The following SNX3 variants were observed in gnomAD, a reference collection of about 807,000 sequenced individuals.
The protein encoded by SNX3 is sorting nexin 3.
SNX3 carries 5 observed loss-of-function variants against 17.7 expected under a neutral mutation model. The ratio of observed to expected loss-of-function variants is 0.28; its 90% CI spans 0.15 to 0.59. The LOEUF (loss-of-function observed/expected upper bound fraction) is 0.59, where lower values mean the gene tolerates loss of function less well. Among genes scored for constraint, SNX3 ranks in the 20% least tolerant of loss-of-function variants. The probability of loss-of-function intolerance (pLI) is 0.88; values close to 1 mark genes in which losing one functional copy is unlikely to be tolerated. For synonymous variants in SNX3, 91 were observed against 76.5 expected (o/e 1.19, Z -0.99); for missense variants, 132 against 206.8 (o/e 0.64, Z 2.22).
chr6:108,253,964 A>T lies in SNX3; in HGVS notation c.162+6796T>A, dbSNP rs977420925. 3.3e-5 allele frequency among the ~76,000 whole-genome samples: 5 copies of T among 152,030 alleles called. No individual in the cohort carries two copies. In the South Asian group the frequency reaches 1.0e-3, roughly 32 times the overall value. On this transcript the variant is annotated intron_variant, in intron 1 of 3. Transcript: ENST00000230085. ...CAAGGTGAAACACCATCTCTACTGA[A>T]AACACAAAAAAAATTAGCCAGGCGT... is the stretch of plus-strand genomic sequence containing the variant.
rs1043174278 is a variant in SNX3 at position 108,211,514 on chromosome 6, G to A, written c.*635C>T. 1 of 152,588 alleles carries A rather than the reference G, an allele frequency of 6.6e-6. No homozygotes were observed. Among genetic ancestry groups the A allele is most frequent in the African/African-American group, 2.4e-5 (1 of 41,436 alleles). 9.5% of individuals were successfully genotyped at this position (152,588 alleles called of 1,614,324 possible). On this transcript the variant is annotated 3_prime_UTR_variant, in exon 4 of 4. Coordinates refer to ENST00000230085, the MANE Select transcript of SNX3 (RefSeq NM_003795.6). ...AAAAGCTGGAGGCAACACAATCAGTGCATATCAGAAATGCATTTTAATTTT... is the reference window on the plus strand; with the variant it reads ...AAAAGCTGGAGGCAACACAATCAGTACATATCAGAAATGCATTTTAATTTT...
chr6:108,221,532 CTTTTTTTT>C (rs554429322), intron 2 of SNX3, among the ~76,000 whole-genome samples: 59 of 57,776 alleles, frequency 1.0e-3, no homozygotes, highest in African/African-American at 2.0e-3. Context: ...CAGTATTACA[CTTTTTTTT>C]TTTTTTTTTT....
chr6:108,254,431 C>G (rs1479151419), intron 1 of SNX3, among the ~76,000 whole-genome samples: 1 of 152,174 alleles, frequency 6.6e-6, no homozygotes, highest in Admixed American at 6.5e-5. Context: ...CACCACCGTG[C>G]ACTCTAGCTT....
intron 1 of SNX3, among the ~76,000 whole-genome samples, chr6:108,238,614 A>T (rs1003251533): frequency 1.3e-5 from 2 of 152,168 alleles, no homozygotes; most frequent in Non-Finnish European, 2.9e-5. Context: ...GCCATAAAAA[A>T]GAAAATTTTT....
intron 2 of SNX3, among the ~76,000 whole-genome samples, chr6:108,218,429 A>G (rs1774653208): frequency 1.3e-5 from 2 of 152,212 alleles, no homozygotes; most frequent in Non-Finnish European, 2.9e-5. Context: ...TGCTGGTAAG[A>G]ATGTAAAATT....
At chr6:108,220,804 C>T (rs1005279649) in intron 2 of SNX3, among the ~76,000 whole-genome samples, 4 of 151,866 alleles carry the variant, frequency 2.6e-5, no homozygotes, top group Non-Finnish European at 4.4e-5. Context: ...ATGATGAAAC[C>T]CCATCTCTAC....
Position 108,214,619 on chromosome 6 carries a change from C to G in SNX3, c.262G>C (p.Val88Leu). 6.2e-7 allele frequency: 1 copy of G among 1,610,760 alleles called. No individual in the cohort carries two copies. Among genetic ancestry groups the G allele is most frequent in the Non-Finnish European group, 8.5e-7 (1 of 1,179,236 alleles). Reference protein sequence around the residue: ...RSELERESKVVVPPLPGKAFL... With the variant: ...RSELERESKVLVPPLPGKAFL... ...GCTTTCCCAGGGAGCGGGGGAACTA[C>G]GACCTAAAATGTGAAGACAGAAACT... The change falls in exon 3 of 4, where the codon GTA becomes CTA. Residue 88 changes from valine to leucine, a missense_variant. Physicochemically the swap from Val to Leu is conservative, Grantham distance 32. Transcript: ENST00000230085.
At chr6:108,222,285 A>G in intron 2 of SNX3, 9 of 1,304,242 alleles carry the variant, frequency 6.9e-6, no homozygotes, top group Non-Finnish European at 9.1e-6. Flanking sequence ...ACGTCCTTCC[A>G]TGACTCCTTG....
chr6:108,253,297 A>G lies in SNX3; in HGVS notation c.162+7463T>C, dbSNP rs554200789. Among the ~76,000 whole-genome samples, 3 of 152,068 alleles carry G rather than the reference A, an allele frequency of 2.0e-5. No individual in the cohort carries two copies. In the East Asian group the frequency reaches 5.8e-4, roughly 29 times the overall value. On this transcript the variant is annotated intron_variant, in intron 1 of 3. Coordinates refer to ENST00000230085, the MANE Select transcript of SNX3 (RefSeq NM_003795.6). ...GTAATCCCAACTACTTGGCTGAGGT[A>G]GGAGGCTCACTTGAGCCCAGGAGTT...
intron 1 of SNX3, among the ~76,000 whole-genome samples, chr6:108,231,367 G>A (rs776527727): frequency 4.6e-5 from 7 of 152,200 alleles, no homozygotes; most frequent in Non-Finnish European, 1.0e-4. Flanking sequence ...TTACTGGCAT[G>A]AGCCACTGCA....
intron 1 of SNX3, among the ~76,000 whole-genome samples, chr6:108,238,380 T>C (rs1345317721): frequency 1.3e-5 from 2 of 152,162 alleles, no homozygotes; most frequent in Admixed American, 1.3e-4. Flanking sequence ...TAAAAACATG[T>C]ATATACAATG....
At chr6:108,222,800 C>A in intron 2 of SNX3, 150 bp downstream of exon 2, 1 of 655,298 alleles carries the variant, frequency 1.5e-6, no homozygotes, top group South Asian at 1.7e-5. Flanking sequence ...TTTACACAGA[C>A]TCTACCTCTA....
At chr6:108,247,132 G>A (rs1775715819) in intron 1 of SNX3, among the ~76,000 whole-genome samples, 1 of 152,064 alleles carries the variant, frequency 6.6e-6, no homozygotes, top group Non-Finnish European at 1.5e-5. Context: ...GGCTCTTTCT[G>A]CTCACTTTCT....
intron 3 of SNX3, among the ~76,000 whole-genome samples, chr6:108,212,925 TCACC>T (rs1251679249): frequency 6.9e-6 from 1 of 145,860 alleles, no homozygotes; most frequent in Non-Finnish European, 1.5e-5. Flanking sequence ...TGTTGCTCTA[TCACC>T]CAGGCTAGAG....
chr6:108,215,198 A>G (rs1254519388), intron 2 of SNX3, among the ~76,000 whole-genome samples: 1 of 150,526 alleles, frequency 6.6e-6, no homozygotes, highest in Non-Finnish European at 1.5e-5. Context: ...AAAATACAAA[A>G]AATGAGCCGG....
chr6:108,223,072 T>C, intron 1 of SNX3, 27 bp from the exon 2 acceptor site: 1 of 1,286,148 alleles, frequency 7.8e-7, no homozygotes, highest in Non-Finnish European at 1.1e-6. Context: ...TAGTCCTAAA[T>C]TGAAGCACAT....
intron 1 of SNX3, among the ~76,000 whole-genome samples, chr6:108,237,495 C>A (rs537405899): frequency 6.6e-6 from 1 of 152,088 alleles, no homozygotes; most frequent in Non-Finnish European, 1.5e-5. Flanking sequence ...CATTAAGAAT[C>A]TACCATGAGG....
chr6:108,237,008 T>C (rs1775365826), intron 1 of SNX3, among the ~76,000 whole-genome samples: 1 of 152,198 alleles, frequency 6.6e-6, no homozygotes, highest in Admixed American at 6.5e-5. Context: ...CTCAAATCAC[T>C]TAACATAAAA....
At chr6:108,247,422 C>T (rs1347809296) in intron 1 of SNX3, among the ~76,000 whole-genome samples, 3 of 151,962 alleles carry the variant, frequency 2.0e-5, no homozygotes, top group Non-Finnish European at 2.9e-5. Context: ...GGCTGGAGTG[C>T]AGTGGCACGA....
Sources: gnomAD v4.1 joint callset for allele counts (sites outside exome capture counted in the v4.1 genomes callset) on GRCh38, gnomAD v4.1.1 for gene constraint, MANE v1.5 for transcripts, NCBI Gene and HGNC (gene_info 2026-07-23, HGNC 2026-07-21) for gene names.